Variants in TMEM232 observed in about 807,000 individuals in gnomAD.
TMEM232 encodes transmembrane protein 232.
In TMEM232, 80 loss-of-function variants were observed where a neutral mutation model predicts 78.8. The ratio of observed to expected loss-of-function variants is 1.01; its 90% CI spans 0.85 to 1.22. TMEM232 has a LOEUF of 1.22. Among genes scored for constraint, TMEM232 ranks in the 50% most tolerant of loss-of-function variants. TMEM232 has a pLI of 0.00. For missense variants in TMEM232, 881 were observed against 742.2 expected, an observed-to-expected ratio of 1.19 and a Z score of -2.17; for synonymous variants, 297 against 254.3, an observed-to-expected ratio of 1.17 and a Z score of -1.60.
At chr5:110,733,096 C>T (rs1469314385) in intron 2 of TMEM232, among the ~76,000 whole-genome samples, 2 of 151,986 alleles carry the variant, frequency 1.3e-5, no homozygotes, top group South Asian at 2.1e-4. Context: ...TGATCATCAG[C>T]GAAATGCAAA....
chr5:110,683,902 A>T (rs1297232288), intron 1 of TMEM232, among the ~76,000 whole-genome samples: 3 of 152,002 alleles, frequency 2.0e-5, no homozygotes, highest in Non-Finnish European at 4.4e-5. Flanking sequence ...AATACTGTAA[A>T]ATCTATTTTT....
intron 12 of TMEM232, among the ~76,000 whole-genome samples, chr5:110,523,821 T>C (rs908892400): frequency 2.0e-5 from 3 of 151,002 alleles, no homozygotes; most frequent in Non-Finnish European, 3.0e-5. Flanking sequence ...CCTAGCTGAG[T>C]GTAGTGTCAT....
intron 1 of TMEM232, among the ~76,000 whole-genome samples, chr5:110,716,378 A>C (rs1797013847): frequency 6.6e-6 from 1 of 152,178 alleles, no homozygotes; most frequent in Non-Finnish European, 1.5e-5. Context: ...ATAATGAAAT[A>C]ATTATACAAC....
chr5:110,557,864 A>AGAGTG (rs1775293424), intron 11 of TMEM232, among the ~76,000 whole-genome samples: 1 of 151,800 alleles, frequency 6.6e-6, no homozygotes, highest in Non-Finnish European at 1.5e-5. Flanking sequence ...TATCAAAGAC[A>AGAGTG]CTCTGGCTTT....
intron 12 of TMEM232, among the ~76,000 whole-genome samples, chr5:110,475,186 C>A (rs1272824235): frequency 6.6e-6 from 1 of 151,902 alleles, no homozygotes; most frequent in Non-Finnish European, 1.5e-5. Context: ...CAAATATATA[C>A]AGTTATGCCA....
chr5:110,406,849 G>T (rs899719401), intron 2 of TMEM232, among the ~76,000 whole-genome samples: 3 of 152,074 alleles, frequency 2.0e-5, no homozygotes, highest in Admixed American at 1.3e-4. Context: ...TGGAAATGAG[G>T]TTAGATTGTA....
At chr5:110,449,612 C>G (rs1760045378) in intron 12 of TMEM232, among the ~76,000 whole-genome samples, 1 of 151,486 alleles carries the variant, frequency 6.6e-6, no homozygotes, top group African/African-American at 2.4e-5. Context: ...CAATTACTTT[C>G]TGGACATCTC....
chr5:110,697,286 C>G (rs997709726), intron 1 of TMEM232, among the ~76,000 whole-genome samples: 7 of 152,158 alleles, frequency 4.6e-5, no homozygotes, highest in African/African-American at 1.7e-4. Flanking sequence ...ACACCTTATA[C>G]AAAAATTAAT....
chr5:110,653,946 A>G (rs1409009754), intron 2 of TMEM232, among the ~76,000 whole-genome samples: 1 of 152,232 alleles, frequency 6.6e-6, no homozygotes, highest in Non-Finnish European at 1.5e-5. Flanking sequence ...TTCAAGAGGA[A>G]GAATACTAAG....
At chr5:110,591,658 A>T (rs1191987317) in intron 10 of TMEM232, among the ~76,000 whole-genome samples, 1 of 152,098 alleles carries the variant, frequency 6.6e-6, no homozygotes, top group Non-Finnish European at 1.5e-5. Context: ...TCTTATCATA[A>T]TTATTAGGTA....
chr5:110,531,498 T>C (rs1049092893), intron 11 of TMEM232, among the ~76,000 whole-genome samples: 2 of 152,186 alleles, frequency 1.3e-5, no homozygotes, highest in Non-Finnish European at 2.9e-5. Context: ...TTTTACTCTC[T>C]TCTCCAACCT....
chr5:110,526,973 C>G (rs368795479), intron 12 of TMEM232, among the ~76,000 whole-genome samples: 5 of 151,742 alleles, frequency 3.3e-5, no homozygotes, highest in East Asian at 3.9e-4. Flanking sequence ...GTTTACTATG[C>G]TAATTTTCAT....
chr5:110,573,277 T>C (rs1777170599), intron 10 of TMEM232, among the ~76,000 whole-genome samples: 1 of 152,102 alleles, frequency 6.6e-6, no homozygotes, highest in South Asian at 2.1e-4. Context: ...TTTCTACTTA[T>C]ATGAATGAGT....
At chr5:110,490,121 A>AAAAG (rs201189138) in intron 12 of TMEM232, among the ~76,000 whole-genome samples, 15,344 of 110,226 alleles carry the variant, frequency 0.14, 2,062 homozygotes, top group Non-Finnish European at 0.17. Flanking sequence ...CTCCGTTTCA[A>AAAAG]AAAGAAAGAA....
intron 2 of TMEM232, among the ~76,000 whole-genome samples, chr5:110,407,621 T>G (rs1281639480): frequency 1.3e-5 from 2 of 152,146 alleles, no homozygotes; most frequent in Non-Finnish European, 2.9e-5. Context: ...AGGCAGATCA[T>G]CCAGACAGAT....
At chr5:110,718,945 T>C (rs113310036) in intron 1 of TMEM232, among the ~76,000 whole-genome samples, 17 of 152,192 alleles carry the variant, frequency 1.1e-4, no homozygotes, top group African/African-American at 4.1e-4. Flanking sequence ...AGTTCATTTA[T>C]ATAGTTATAT....
At chr5:110,648,607 A>C (rs138052253) in intron 2 of TMEM232, among the ~76,000 whole-genome samples, 1,522 of 152,118 alleles carry the variant, frequency 0.01, 34 homozygotes, top group African/African-American at 0.034. Flanking sequence ...TTATTTTCTA[A>C]TTCCATTCCC....
At chr5:110,706,290 T>C (rs931330323) in intron 1 of TMEM232, among the ~76,000 whole-genome samples, 1 of 152,166 alleles carries the variant, frequency 6.6e-6, no homozygotes, top group Non-Finnish European at 1.5e-5. Flanking sequence ...ACTACCAAAA[T>C]GTATGCTCAG....
chr5:110,699,047 AAAAC>A (rs869028978), intron 1 of TMEM232, among the ~76,000 whole-genome samples: 3 of 146,812 alleles, frequency 2.0e-5, no homozygotes, highest in East Asian at 2.0e-4. Flanking sequence ...CAGAAGGACA[AAAAC>A]AAACAAAACA....
Sources: allele counts gnomAD v4.1 joint callset (sites outside exome capture counted in the v4.1 genomes callset), GRCh38; gene constraint gnomAD v4.1.1; transcripts MANE v1.5; gene names NCBI Gene and HGNC (gene_info 2026-07-23, HGNC 2026-07-21).